RUFY2: variants seen among roughly 807,000 people sequenced by gnomAD.
RUFY2 encodes the protein RUN and FYVE domain containing 2.
Under a neutral mutation model 94.4 loss-of-function variants are expected in RUFY2, and 49 were observed. That is an observed-to-expected ratio of 0.52 (90% confidence interval 0.41 to 0.66). The LOEUF (loss-of-function observed/expected upper bound fraction) is 0.66. RUFY2 is among the 30% of genes least tolerant of loss of function. The pLI, the probability that RUFY2 is intolerant of heterozygous loss-of-function variation, is 0.00. For missense variants in RUFY2, 541 were observed against 692.8 expected, an observed-to-expected ratio of 0.78 and a Z score of 2.46; for synonymous variants, 255 against 235.7, an observed-to-expected ratio of 1.08 and a Z score of -0.75.
intron 1 of RUFY2, 173 bp downstream of exon 1, chr10:68,407,013 T>C (rs2051379012): frequency 2.0e-6 from 3 of 1,493,168 alleles, no homozygotes; most frequent in Non-Finnish European, 1.8e-6. Flanking sequence ...CGCGTTGCCA[T>C]GACGACCCCG....
In RUFY2 at chr10:68,400,157, C is replaced by T. The variant is rs574052463; in HGVS notation, c.296+1463G>A. ...AAAACCCCCATCTCTACTAAAAATA[C>T]GAAAATTAGCCAGGTATGGATGGTG... On this transcript the variant is annotated intron_variant, in intron 3 of 17. Coordinates refer to ENST00000602465, the MANE Select transcript of RUFY2 (RefSeq NM_001330103.2). 5.9e-5 allele frequency among the ~76,000 whole-genome samples: 9 copies of T among 151,678 alleles called. No individual in the cohort carries two copies. In the South Asian group the frequency reaches 1.3e-3, roughly 21 times the overall value.
intron 16 of RUFY2, among the ~76,000 whole-genome samples, chr10:68,347,883 G>C (rs755178039): frequency 6.6e-6 from 1 of 151,704 alleles, no homozygotes; most frequent in Non-Finnish European, 1.5e-5. Flanking sequence ...GGAAAAAAAG[G>C]CCCATAGATA....
intron 1 of RUFY2, 41 bp from the exon 2 acceptor site, chr10:68,404,885 A>G (rs2051146700): frequency 8.1e-6 from 12 of 1,476,734 alleles, no homozygotes; most frequent in Non-Finnish European, 1.1e-5. Flanking sequence ...TTTGTAAGAC[A>G]TGACAATGAA....
intron 15 of RUFY2, among the ~76,000 whole-genome samples, chr10:68,357,359 G>C (rs1394665247): frequency 6.6e-6 from 1 of 151,486 alleles, no homozygotes; most frequent in East Asian, 2.0e-4. Context: ...CTCCCGAATA[G>C]CTGGGATTAT....
At chr10:68,377,282 A>C in intron 12 of RUFY2, 1 of 1,163,094 alleles carries the variant, frequency 8.6e-7, no homozygotes, top group Non-Finnish European at 1.1e-6. Context: ...ATAACGAATC[A>C]AATTTCAAAG....
At chr10:68,386,206 T>G in intron 7 of RUFY2, 78 bp from the exon 8 acceptor site, 1 of 1,129,618 alleles carries the variant, frequency 8.9e-7, no homozygotes, top group Non-Finnish European at 1.3e-6. Flanking sequence ...TATCCTAGAT[T>G]TACTATGTTT....
chr10:68,378,296 TA>T, intron 12 of RUFY2: 3 of 1,150,740 alleles, frequency 2.6e-6, no homozygotes, highest in Non-Finnish European at 3.2e-6. Context: ...GCTAAAAAGA[TA>T]AAACTGCATT....
intron 2 of RUFY2, among the ~76,000 whole-genome samples, chr10:68,403,341 T>A (rs2051010237): frequency 6.6e-6 from 1 of 152,084 alleles, no homozygotes; most frequent in Non-Finnish European, 1.5e-5. Context: ...AACCTCCGCC[T>A]CCCAGGTTCA....
intron 15 of RUFY2, chr10:68,355,607 G>T: frequency 7.2e-6 from 3 of 417,256 alleles, no homozygotes; most frequent in Non-Finnish European, 1.3e-5. Flanking sequence ...TTTAAAACTT[G>T]CTTTTTAAGA....
At chr10:68,380,854 T>C (rs1196487459) in intron 11 of RUFY2, among the ~76,000 whole-genome samples, 1 of 151,916 alleles carries the variant, frequency 6.6e-6, no homozygotes, top group Non-Finnish European at 1.5e-5. Context: ...AGAGCGAGAC[T>C]CCATCTCAAA....
chr10:68,393,777 A>C (rs1564842523), intron 6 of RUFY2: 1 of 351,100 alleles, frequency 2.8e-6, no homozygotes. Context: ...GTATTTGCAA[A>C]CTTGTGAATA....
intron 4 of RUFY2, 58 bp from the exon 5 acceptor site, chr10:68,394,509 T>C: frequency 7.8e-7 from 1 of 1,287,942 alleles, no homozygotes; most frequent in Non-Finnish European, 1.1e-6. Flanking sequence ...AAAACTAAAA[T>C]TTAAAATCAC....
At chr10:68,369,258 G>A (rs537960976) in intron 13 of RUFY2, among the ~76,000 whole-genome samples, 2 of 152,336 alleles carry the variant, frequency 1.3e-5, no homozygotes, top group Admixed American at 1.3e-4. Context: ...GCCAAGGCAA[G>A]CAGATCACTT....
intron 7 of RUFY2, among the ~76,000 whole-genome samples, chr10:68,392,565 T>C (rs2050080793): frequency 6.6e-6 from 1 of 152,094 alleles, no homozygotes; most frequent in Non-Finnish European, 1.5e-5. Context: ...TTAGCCTTTT[T>C]TGTCAAGGGT....
intron 7 of RUFY2, among the ~76,000 whole-genome samples, chr10:68,390,414 T>G (rs1044474234): frequency 3.3e-5 from 5 of 152,192 alleles, no homozygotes; most frequent in African/African-American, 9.6e-5. Flanking sequence ...TTACTAATTA[T>G]TAAATGTGAT....
intron 4 of RUFY2, among the ~76,000 whole-genome samples, 154 bp from the exon 5 acceptor site, chr10:68,394,605 CTT>C (rs965667997): frequency 2.8e-4 from 42 of 151,748 alleles, no homozygotes; most frequent in Middle Eastern, 3.4e-3. Flanking sequence ...GTGTGAATAA[CTT>C]TTTATATTTT....
intron 7 of RUFY2, among the ~76,000 whole-genome samples, chr10:68,391,025 C>T (rs1360361609): frequency 1.3e-5 from 2 of 151,144 alleles, no homozygotes; most frequent in African/African-American, 4.9e-5. Flanking sequence ...ATCTCCACCT[C>T]CTGGGTTCGA....
chr10:68,344,226 C>T lies in RUFY2; in HGVS notation c.*1542G>A, dbSNP rs1251216555. 1.3e-5 allele frequency: 2 copies of T among 151,986 alleles called. No individual in the cohort carries two copies. The highest frequency in any genetic ancestry group is 2.9e-5 in the Non-Finnish European group (2 of 68,002). 9.4% of individuals were successfully genotyped at this position (151,986 alleles called of 1,614,324 possible). On this transcript the variant is annotated 3_prime_UTR_variant, in exon 18 of 18. Coordinates refer to ENST00000602465, the MANE Select transcript of RUFY2 (RefSeq NM_001330103.2). The stretch of plus-strand genomic sequence containing the variant: ...ATATTCATTTCATACTTAGGCTATT[C>T]AGAAAAATTTAAATTTCATGGAAGC...
chr10:68,372,318 T>G (rs565372383), intron 13 of RUFY2, among the ~76,000 whole-genome samples: 9 of 152,016 alleles, frequency 5.9e-5, no homozygotes, highest in Non-Finnish European at 1.0e-4. Context: ...GAGGATCCCT[T>G]GAGCCCATGA....
Sources: allele counts gnomAD v4.1 joint callset (sites outside exome capture counted in the v4.1 genomes callset), GRCh38; gene constraint gnomAD v4.1.1; transcripts MANE v1.5; gene names NCBI Gene and HGNC (gene_info 2026-07-23, HGNC 2026-07-21).